AKAP6: variants seen among roughly 807,000 people sequenced by gnomAD.
AKAP6 encodes A-kinase anchor protein 6.
Under a neutral mutation model 188.5 loss-of-function variants are expected in AKAP6, and 58 were observed. The ratio of observed to expected loss-of-function variants is 0.31; its 90% CI spans 0.25 to 0.38. The LOEUF (loss-of-function observed/expected upper bound fraction) is 0.38, where lower values mean the gene tolerates loss of function less well. Among genes scored for constraint, AKAP6 ranks in the 10% least tolerant of loss-of-function variants. The pLI, the probability that AKAP6 is intolerant of heterozygous loss-of-function variation, is 1.00. For missense variants in AKAP6, 2,710 were observed against 2,740.0 expected (o/e 0.99, Z 0.24); for synonymous variants, 989 against 998.6 (o/e 0.99, Z 0.18).
chr14:32,688,081 C>G (rs1440607566), intron 8 of AKAP6, among the ~76,000 whole-genome samples: 1 of 151,448 alleles, frequency 6.6e-6, no homozygotes. Context: ...TCAAAGTTAA[C>G]AGTGTAGTCA....
intron 11 of AKAP6, among the ~76,000 whole-genome samples, chr14:32,757,435 T>TC (rs2139931741): frequency 6.6e-6 from 1 of 152,238 alleles, no homozygotes; most frequent in East Asian, 1.9e-4. Flanking sequence ...CCATGAAAAG[T>TC]CCATCTGTCC....
intron 11 of AKAP6, among the ~76,000 whole-genome samples, chr14:32,773,156 T>C (rs1019892861): frequency 5.3e-5 from 8 of 151,890 alleles, no homozygotes; most frequent in Admixed American, 5.2e-4. Context: ...AAGAGGAATA[T>C]TGCTTATCTT....
intron 1 of AKAP6, among the ~76,000 whole-genome samples, chr14:32,348,862 T>C (rs994274341): frequency 2.6e-5 from 4 of 152,150 alleles, no homozygotes; most frequent in African/African-American, 9.7e-5. Flanking sequence ...CCCTAAATTT[T>C]TTACTTATTC....
rs546507334 is a variant in AKAP6 at position 32,649,168 on chromosome 14, G to C, written c.2731-29143G>C. Among the ~76,000 whole-genome samples the C allele has an allele frequency of 7.2e-5, 11 of 151,996 alleles. No individual in the cohort carries two copies. The East Asian group carries it at 1.7e-3, about 24-fold the overall frequency. Reference sequence around the variant, plus strand: ...TCCTAAAACCTTTTTTTCATCTGGGGGAATAAGGATGAGAGGGGTAATCAA... The same window carrying C: ...TCCTAAAACCTTTTTTTCATCTGGGCGAATAAGGATGAGAGGGGTAATCAA... On this transcript the variant is annotated intron_variant, in intron 7 of 13. Coordinates refer to ENST00000280979, the MANE Select transcript of AKAP6 (RefSeq NM_004274.5).
intron 1 of AKAP6, among the ~76,000 whole-genome samples, chr14:32,397,756 G>C (rs1448216220): frequency 6.6e-6 from 1 of 152,130 alleles, no homozygotes; most frequent in East Asian, 1.9e-4. Flanking sequence ...TTAAGGCAAG[G>C]GTAGGTACAA....
chr14:32,354,014 G>A lies in AKAP6; in HGVS notation c.-35+24606G>A, dbSNP rs553998342. Among the ~76,000 whole-genome samples, 327 of 152,208 alleles carry A rather than the reference G, an allele frequency of 2.1e-3. 3 individuals carry two copies. Among genetic ancestry groups the A allele is most frequent in the African/African-American group, 7.2e-3 (298 of 41,536 alleles). On this transcript the variant is annotated intron_variant, in intron 1 of 13. Transcript: ENST00000280979. ...CTCATGGATAGGAAGAATCAATATC[G>A]TGAAAATGGCCATACTGCCCAAGGT...
intron 1 of AKAP6, among the ~76,000 whole-genome samples, chr14:32,368,885 AAAAAC>A (rs1887921003): frequency 6.6e-6 from 1 of 151,784 alleles, no homozygotes; most frequent in African/African-American, 2.4e-5. Flanking sequence ...AGAAGAAAAA[AAAAAC>A]AAAAACATGC....
rs200843435 is a variant in AKAP6, at chr14:32,678,282, C to T, written c.2731-29C>T. The T allele has an allele frequency of 3.1e-5, 49 of 1,593,138 alleles. No individual in the cohort carries two copies. In the East Asian group the frequency reaches 5.9e-4, roughly 19 times the overall value. On this transcript the variant is annotated intron_variant, in intron 7 of 13. Transcript: ENST00000280979. ...GAAATGCATTCCTTCTGGATTAAAACAGCAATTTCTCTTTGTTTCTCTTTC... is the reference window on the plus strand; with the variant it reads ...GAAATGCATTCCTTCTGGATTAAAATAGCAATTTCTCTTTGTTTCTCTTTC...
At chr14:32,556,831 C>T (rs945061640) in intron 4 of AKAP6, among the ~76,000 whole-genome samples, 1 of 151,960 alleles carries the variant, frequency 6.6e-6, no homozygotes, top group Non-Finnish European at 1.5e-5. Flanking sequence ...CACTGCCAAG[C>T]CCAACATCAT....
chr14:32,674,556 T>C (rs1282510402), intron 7 of AKAP6, among the ~76,000 whole-genome samples: 1 of 152,152 alleles, frequency 6.6e-6, no homozygotes, highest in Admixed American at 6.5e-5. Flanking sequence ...CAAGAATGAC[T>C]CTCAGGTTTC....
intron 9 of AKAP6, among the ~76,000 whole-genome samples, chr14:32,718,891 C>T (rs2030375470): frequency 6.6e-6 from 1 of 152,056 alleles, no homozygotes; most frequent in Admixed American, 6.6e-5. Flanking sequence ...ACATTTAAAC[C>T]ATAATGCTAA....
chr14:32,533,873 T>C (rs1882548217), intron 2 of AKAP6, among the ~76,000 whole-genome samples: 1 of 152,180 alleles, frequency 6.6e-6, no homozygotes, highest in South Asian at 2.1e-4. Flanking sequence ...TAAATTTCTT[T>C]TGGATTGCAT....
At chr14:32,621,661 A>G (rs1371701370) in intron 7 of AKAP6, among the ~76,000 whole-genome samples, 2 of 152,070 alleles carry the variant, frequency 1.3e-5, no homozygotes, top group Non-Finnish European at 2.9e-5. Flanking sequence ...TCTTAGGTAG[A>G]ATGTTCTGTA....
chr14:32,463,980 A>G (rs1878236576), intron 2 of AKAP6, among the ~76,000 whole-genome samples: 1 of 152,224 alleles, frequency 6.6e-6, no homozygotes, highest in East Asian at 1.9e-4. Context: ...ACACAAATGA[A>G]CTAGAAGATC....
intron 1 of AKAP6, among the ~76,000 whole-genome samples, chr14:32,430,986 A>C (rs1348221231): frequency 4.0e-5 from 6 of 151,814 alleles, no homozygotes; most frequent in African/African-American, 1.5e-4. Flanking sequence ...GCACCTGTAG[A>C]CCCAGCTACC....
intron 8 of AKAP6, among the ~76,000 whole-genome samples, chr14:32,686,403 A>G (rs1396664426): frequency 6.6e-6 from 1 of 152,184 alleles, no homozygotes; most frequent in Non-Finnish European, 1.5e-5. Context: ...GCTATAGTCA[A>G]TAATAACTTT....
At chr14:32,410,748 G>C (rs1345381606) in intron 1 of AKAP6, among the ~76,000 whole-genome samples, 1 of 152,018 alleles carries the variant, frequency 6.6e-6, no homozygotes, top group East Asian at 1.9e-4. Context: ...ATTGCCCATA[G>C]GTAGACCATA....
chr14:32,727,245 A>AT (rs2030918274), intron 9 of AKAP6, among the ~76,000 whole-genome samples: 1 of 152,102 alleles, frequency 6.6e-6, no homozygotes. Flanking sequence ...CTTATGCAGT[A>AT]TTTTTTATGA....
At chr14:32,485,340 G>T (rs573328457) in intron 2 of AKAP6, among the ~76,000 whole-genome samples, 5 of 152,216 alleles carry the variant, frequency 3.3e-5, no homozygotes, top group African/African-American at 9.6e-5. Context: ...TAATGGGACT[G>T]CTGGGTCAAA....
Sources: gnomAD v4.1 joint callset for allele counts (sites outside exome capture counted in the v4.1 genomes callset) on GRCh38, gnomAD v4.1.1 for gene constraint, MANE v1.5 for transcripts, NCBI Gene and HGNC (gene_info 2026-07-23, HGNC 2026-07-21) for gene names.